Variants in TAFA1 observed in about 807,000 individuals in gnomAD.
The protein encoded by TAFA1 is TAFA chemokine like family member 1.
A neutral mutation model predicts 18.5 loss-of-function variants in TAFA1; 4 were observed. The ratio of observed to expected loss-of-function variants is 0.22; its 90% confidence interval spans 0.11 to 0.49. The LOEUF (loss-of-function observed/expected upper bound fraction) is 0.49. TAFA1 is among the 20% of genes least tolerant of loss of function. The pLI, the probability that TAFA1 is intolerant of heterozygous loss-of-function variation, is 0.98. For missense variants in TAFA1, 147 were observed against 169.0 expected (o/e 0.87, Z 0.72); for synonymous variants, 56 against 55.2 (o/e 1.01, Z -0.06).
chr3:68,150,217 T>C (rs2065789175), intron 2 of TAFA1, among the ~76,000 whole-genome samples: 2 of 152,186 alleles, frequency 1.3e-5, no homozygotes, highest in South Asian at 4.1e-4. Context: ...CACCTGCAGT[T>C]TCCTAAGATA....
intron 2 of TAFA1, among the ~76,000 whole-genome samples, chr3:68,147,019 A>G (rs7430621): frequency 0.078 from 11,499 of 147,630 alleles, 472 homozygotes; most frequent in Middle Eastern, 0.12. Flanking sequence ...GTATATATAT[A>G]TGTGTGTGTG....
chr3:68,186,002 G>A (rs2066265948), intron 2 of TAFA1, among the ~76,000 whole-genome samples: 1 of 152,054 alleles, frequency 6.6e-6, no homozygotes, highest in African/African-American at 2.4e-5. Context: ...TGAGCATGAA[G>A]CCTGCTCCTT....
chr3:68,282,964 A>C (rs1387271040), intron 2 of TAFA1, among the ~76,000 whole-genome samples: 1 of 152,062 alleles, frequency 6.6e-6, no homozygotes, highest in Non-Finnish European at 1.5e-5. Flanking sequence ...ACATATCTTA[A>C]ATTTCTCTGA....
chr3:68,154,695 G>C (rs1010131206), intron 2 of TAFA1, among the ~76,000 whole-genome samples: 1 of 152,146 alleles, frequency 6.6e-6, no homozygotes, highest in Admixed American at 6.5e-5. Flanking sequence ...GAATACATGT[G>C]ACTTTCCCTG....
intron 2 of TAFA1, among the ~76,000 whole-genome samples, chr3:68,070,712 G>A (rs1394851717): frequency 6.6e-6 from 1 of 152,144 alleles, no homozygotes; most frequent in Non-Finnish European, 1.5e-5. Context: ...GTCACCTCTT[G>A]AATGTTTTGC....
chr3:68,038,504 A>T (rs1279266295), intron 2 of TAFA1, among the ~76,000 whole-genome samples: 1 of 152,146 alleles, frequency 6.6e-6, no homozygotes, highest in African/African-American at 2.4e-5. Flanking sequence ...TCACAGCTGA[A>T]TCCATAGTAC....
chr3:68,347,290 C>G (rs917095027), intron 2 of TAFA1, among the ~76,000 whole-genome samples: 1 of 152,218 alleles, frequency 6.6e-6, no homozygotes, highest in African/African-American at 2.4e-5. Flanking sequence ...TTCCCTCTCT[C>G]TCTTGCTATC....
intron 2 of TAFA1, chr3:68,145,187 C>A (rs186695382): frequency 1.8e-5 from 15 of 817,430 alleles, no homozygotes; most frequent in Admixed American, 1.0e-4. Context: ...AAGAATACCA[C>A]CTGCTACAAA....
At chr3:68,189,322 A>T (rs1439398754) in intron 2 of TAFA1, among the ~76,000 whole-genome samples, 1 of 151,928 alleles carries the variant, frequency 6.6e-6, no homozygotes, top group Non-Finnish European at 1.5e-5. Flanking sequence ...AGCCCTAGAA[A>T]GCAACTTTTG....
intron 2 of TAFA1, among the ~76,000 whole-genome samples, chr3:68,329,720 A>G (rs2068832898): frequency 6.6e-6 from 1 of 152,230 alleles, no homozygotes; most frequent in Non-Finnish European, 1.5e-5. Context: ...GAAGAGTTTT[A>G]CATGTATAAA....
the TAFA1 span, among the ~76,000 whole-genome samples, chr3:67,993,999 A>C: frequency 1.3e-5 from 2 of 152,026 alleles, no homozygotes; most frequent in South Asian, 4.1e-4. Flanking sequence ...TAGAATTTTT[A>C]ATTTTTTTCT....
intron 4 of TAFA1, among the ~76,000 whole-genome samples, chr3:68,544,220 T>C (rs2073421354): frequency 9.2e-5 from 14 of 152,142 alleles, no homozygotes; most frequent in Admixed American, 9.2e-4. Context: ...AAACCAGTCC[T>C]GGATAGGCAT....
chr3:68,466,762 G>A (rs981463682), intron 3 of TAFA1, among the ~76,000 whole-genome samples: 4 of 152,060 alleles, frequency 2.6e-5, no homozygotes, highest in African/African-American at 4.8e-5. Context: ...ATGGTTTATC[G>A]GAGGAACCAC....
In TAFA1 at chr3:68,086,382, G is replaced by A. The variant is rs534135292; in HGVS notation, c.118+79638G>A. ...ATATCTGGGCAGTCCTTTACAATTT[G>A]CAGAAGTTCTCTTCTTTCTCTTTGT... is the stretch of plus-strand genomic sequence containing the variant. On this transcript the variant is annotated intron_variant, in intron 2 of 4. Transcript: ENST00000478136. Among the ~76,000 whole-genome samples the A allele has an allele frequency of 3.3e-5, 5 of 152,270 alleles. No individual in the cohort carries two copies. In the South Asian group the frequency reaches 1.0e-3, roughly 32 times the overall value.
At chr3:68,101,624 A>G (rs1390730127) in intron 2 of TAFA1, among the ~76,000 whole-genome samples, 1 of 152,172 alleles carries the variant, frequency 6.6e-6, no homozygotes, top group African/African-American at 2.4e-5. Flanking sequence ...TGAAGAGGAA[A>G]AAGGAGCACA....
intron 2 of TAFA1, among the ~76,000 whole-genome samples, chr3:68,260,380 G>A (rs1327719682): frequency 6.6e-6 from 1 of 152,068 alleles, no homozygotes; most frequent in South Asian, 2.1e-4. Context: ...GTTCATCAAG[G>A]ATATTGGTCT....
chr3:68,374,096 C>G (rs1466708371), intron 2 of TAFA1, among the ~76,000 whole-genome samples: 1 of 152,148 alleles, frequency 6.6e-6, no homozygotes, highest in Non-Finnish European at 1.5e-5. Context: ...CTTTGCATCT[C>G]TACCCTGCAA....
At chr3:68,076,256 AG>A (rs1363610501) in intron 2 of TAFA1, among the ~76,000 whole-genome samples, 2 of 150,742 alleles carry the variant, frequency 1.3e-5, no homozygotes, top group African/African-American at 4.9e-5. Flanking sequence ...ACAAGCCATA[AG>A]GGGTTTTTCC....
chr3:68,443,657 C>T (rs1031040086), intron 3 of TAFA1, among the ~76,000 whole-genome samples: 1 of 152,004 alleles, frequency 6.6e-6, no homozygotes, highest in Non-Finnish European at 1.5e-5. Flanking sequence ...GAGGCTCATT[C>T]ACTATCACAA....
Sources: allele counts gnomAD v4.1 joint callset (sites outside exome capture counted in the v4.1 genomes callset), GRCh38; gene constraint gnomAD v4.1.1; transcripts MANE v1.5; gene names NCBI Gene and HGNC (gene_info 2026-07-23, HGNC 2026-07-21).